ENTPD4: variants seen among roughly 807,000 people sequenced by gnomAD.
ENTPD4 encodes ectonucleoside triphosphate diphosphohydrolase 4, also known as Golgi UDPase.
A neutral mutation model predicts 79.1 loss-of-function variants in ENTPD4; 60 were observed. The ratio of observed to expected loss-of-function variants is 0.76; its 90% CI spans 0.62 to 0.94. The LOEUF is 0.94. Among genes scored for constraint, ENTPD4 ranks in the 40% least tolerant of loss-of-function variants. The pLI is 0.00. For synonymous variants in ENTPD4, 276 were observed against 292.0 expected, an observed-to-expected ratio of 0.95 and a Z score of 0.56; for missense variants, 772 against 775.1, an observed-to-expected ratio of 1.00 and a Z score of 0.05.
rs887945716 is a variant in ENTPD4 at position 23,443,958 on chromosome 8, A to G, written c.564-5T>C. 36 of 1,572,284 alleles carry G rather than the reference A, an allele frequency of 2.3e-5. No homozygotes were observed. The highest frequency in any genetic ancestry group is 3.1e-5 in the Non-Finnish European group (35 of 1,145,310). On this transcript the variant is annotated splice_region_variant and splice_polypyrimidine_tract_variant and intron_variant, in intron 5 of 12. Coordinates refer to ENST00000358689, the MANE Select transcript of ENTPD4 (RefSeq NM_004901.5). ...TCCAGAATAGCTTTCTGCTGGCTGT[A>G]AAGTAATAAAAACATTTACAAATCA...
At chr8:23,437,435 T>C (rs888081659) in intron 9 of ENTPD4, among the ~76,000 whole-genome samples, 177 bp from the exon 10 acceptor site, 3 of 152,178 alleles carry the variant, frequency 2.0e-5, no homozygotes, top group Non-Finnish European at 2.9e-5. Context: ...CACTTGAGAC[T>C]TTCTTGGAGA....
Position 23,439,123 on chromosome 8 carries a change from TAC to T in ENTPD4, c.1049+624_1049+625del, listed in dbSNP as rs1800623835. 2.0e-5 allele frequency among the ~76,000 whole-genome samples: 3 copies of T among 152,244 alleles called. 1 individual carries two copies. The South Asian group carries it at 6.2e-4, about 31-fold the overall frequency. On this transcript the variant is annotated intron_variant, in intron 9 of 12. Transcript: ENST00000358689. ...AATAAGTGCTATATACTTACACTTA[TAC>T]AGTCAATTTAAACCAATAGAGTGCT...
chr8:23,429,712 C>T lies in ENTPD4; in HGVS notation c.*3214G>A, dbSNP rs1454402663. 1.0e-5 allele frequency: 10 copies of T among 985,270 alleles called. No homozygotes were observed. The highest frequency in any genetic ancestry group is 6.1e-5 in the Admixed American group (1 of 16,270). 61.0% of individuals were successfully genotyped at this position (985,270 alleles called of 1,614,324 possible). A position where few individuals can be genotyped will look rare whatever the true frequency, so the allele number is the denominator to read the frequency against. On this transcript the variant is annotated 3_prime_UTR_variant, in exon 13 of 13. Transcript: ENST00000358689. ...ACTGGTGGTGAAAAGAGGGACCTAC[C>T]CAGCCTTCAGGGTGGCTGGGCAGGG...
At chr8:23,443,977 C>A (rs761834821) in intron 5 of ENTPD4, 24 bp from the exon 6 acceptor site, 5 of 1,502,208 alleles carry the variant, frequency 3.3e-6, no homozygotes, top group Non-Finnish European at 4.6e-6. Context: ...AAAACATTTA[C>A]AAATCAAAAG....
intron 1 of ENTPD4, among the ~76,000 whole-genome samples, chr8:23,455,583 T>C (rs1800943841): frequency 1.3e-5 from 2 of 152,242 alleles, no homozygotes; most frequent in African/African-American, 4.8e-5. Context: ...CACATTTTAA[T>C]TTTATTTTTC....
chr8:23,439,700 G>A, intron 9 of ENTPD4, 49 bp downstream of exon 9: 1 of 1,577,572 alleles, frequency 6.3e-7, no homozygotes, highest in African/African-American at 1.3e-5. Context: ...TTTTTATGAG[G>A]AGAGACCTAG....
At chr8:23,434,531 G>GCACACA (rs139348326) in intron 11 of ENTPD4, 53 bp from the exon 12 acceptor site, 22 of 1,476,810 alleles carry the variant, frequency 1.5e-5, no homozygotes, top group Middle Eastern at 1.8e-4. Flanking sequence ...TGTCAAGATG[G>GCACACA]CACACACACA....
intron 2 of ENTPD4, 21 bp from the exon 3 acceptor site, chr8:23,448,960 A>T: frequency 6.3e-7 from 1 of 1,598,218 alleles, no homozygotes; most frequent in Non-Finnish European, 8.6e-7. Flanking sequence ...AAGGAAAAAG[A>T]TTTTAAAGCA....
At position 23,430,369 on chromosome 8, in the gene ENTPD4, C is replaced by A; in HGVS notation, c.*2557G>T. On this transcript the variant is annotated 3_prime_UTR_variant, in exon 13 of 13. Coordinates refer to ENST00000358689, the MANE Select transcript of ENTPD4 (RefSeq NM_004901.5). ...AATCCGAAGTGAAATTCTGGTGCAA[C>A]AAATATTTTAAGATTGAAGTTTGGT... 1 of 985,416 alleles carries A rather than the reference C, an allele frequency of 1.0e-6. No homozygotes were observed. Among genetic ancestry groups the A allele is most frequent in the Non-Finnish European group, 1.2e-6 (1 of 829,928 alleles). 61.0% of individuals were successfully genotyped at this position (985,416 alleles called of 1,614,324 possible).
intron 1 of ENTPD4, among the ~76,000 whole-genome samples, chr8:23,455,070 G>A (rs1800934330): frequency 6.6e-6 from 1 of 152,156 alleles, no homozygotes; most frequent in Admixed American, 6.5e-5. Flanking sequence ...GCCCTACTTG[G>A]CTGAACATTA....
chr8:23,437,588 G>A (rs1015048357), intron 9 of ENTPD4, among the ~76,000 whole-genome samples: 3 of 152,170 alleles, frequency 2.0e-5, no homozygotes, highest in African/African-American at 7.2e-5. Flanking sequence ...CCCCATTTTT[G>A]CACTAGTGCT....
At chr8:23,433,559 T>C (rs1017150567) in intron 12 of ENTPD4, among the ~76,000 whole-genome samples, 15 of 152,214 alleles carry the variant, frequency 9.9e-5, no homozygotes, top group African/African-American at 3.4e-4. Flanking sequence ...GAAGAGCAAA[T>C]GTCTCATCTA....
At chr8:23,447,628 G>C (rs956628151) in intron 4 of ENTPD4, 52 bp downstream of exon 4, 6 of 1,412,680 alleles carry the variant, frequency 4.2e-6, no homozygotes, top group African/African-American at 2.8e-5. Context: ...AGACGCCACA[G>C]AGAATGAAGG....
intron 6 of ENTPD4, among the ~76,000 whole-genome samples, chr8:23,442,274 T>A (rs1406075838): frequency 6.6e-6 from 1 of 152,250 alleles, no homozygotes; most frequent in Non-Finnish European, 1.5e-5. Context: ...TTTTATACCA[T>A]CTACACAGGT....
At chr8:23,436,784 T>TC (rs1585401564) in intron 10 of ENTPD4, 150 bp downstream of exon 10, 1 of 689,254 alleles carries the variant, frequency 1.5e-6, no homozygotes, top group East Asian at 2.6e-5. Flanking sequence ...TCAACCTCCC[T>TC]CCAAGCAAAG....
In ENTPD4 at chr8:23,441,649, C is replaced by A. The variant is rs1319323582; in HGVS notation, c.802G>T (p.Gly268Cys). 4.3e-6 allele frequency: 7 copies of A among 1,614,204 alleles called. No individual in the cohort carries two copies. In the East Asian group the frequency reaches 1.6e-4, roughly 36 times the overall value. Residue 268 changes from glycine (G) to cysteine (C), a missense_variant, in exon 8 of 13, where the codon GGC becomes TGC. Coordinates refer to ENST00000358689, the MANE Select transcript of ENTPD4 (RefSeq NM_004901.5). ...GACACGCCGCCCATGTCGAGAATGC[C>A]CGCTGTCCTTTTACGGACAATGGCT... ...SEAIVRKRTAGILDMGGVSTQ... is the reference protein window; with the variant it reads ...SEAIVRKRTACILDMGGVSTQ...
At chr8:23,450,080 A>C in intron 1 of ENTPD4, 83 bp from the exon 2 acceptor site, 1 of 695,344 alleles carries the variant, frequency 1.4e-6, no homozygotes, top group Non-Finnish European at 2.5e-6. Flanking sequence ...CTTAAATCCA[A>C]CCACATATAA....
intron 8 of ENTPD4, among the ~76,000 whole-genome samples, chr8:23,441,165 C>T (rs561474233): frequency 6.6e-6 from 1 of 152,256 alleles, no homozygotes; most frequent in African/African-American, 2.4e-5. Flanking sequence ...GGATACAAAC[C>T]TCAATCTTCC....
chr8:23,431,869 T>C lies in ENTPD4; in HGVS notation c.*1057A>G. ...ACAGTGTTCTAATGCCACTGAAATA[T>C]GGAATAAGGAGCGTAATTACCTGCG... On this transcript the variant is annotated 3_prime_UTR_variant, in exon 13 of 13. Transcript: ENST00000358689. 2.0e-6 allele frequency: 2 copies of C among 985,378 alleles called. No homozygotes were observed. The highest frequency in any genetic ancestry group is 9.4e-5 in the South Asian group (2 of 21,286). The allele number at this position is 985,378 out of a possible 1,614,324, so 61.0% of individuals were successfully genotyped here. A position where few individuals can be genotyped will look rare whatever the true frequency, so the allele number is the denominator to read the frequency against.
Sources: allele counts gnomAD v4.1 joint callset (sites outside exome capture counted in the v4.1 genomes callset), GRCh38; gene constraint gnomAD v4.1.1; transcripts MANE v1.5; gene names NCBI Gene and HGNC (gene_info 2026-07-23, HGNC 2026-07-21).